COX4I1: variants seen among roughly 807,000 people sequenced by gnomAD.
COX4I1 encodes cytochrome c oxidase subunit 4I1.
COX4I1 carries 18 observed loss-of-function variants against 21.7 expected under a neutral mutation model. The ratio of observed to expected loss-of-function variants is 0.83; its 90% CI spans 0.57 to 1.23. The LOEUF is 1.23. Ranked by LOEUF, COX4I1 falls within the 50% of genes most tolerant of loss-of-function variation. COX4I1 has a pLI of 0.00. For synonymous variants in COX4I1, 100 were observed against 81.5 expected (o/e 1.23, Z -1.23); for missense variants, 238 against 220.7 (o/e 1.08, Z -0.50).
At chr16:85,804,861 G>A (rs1168809869) in intron 2 of COX4I1, 76 bp from the exon 3 acceptor site, 26 of 1,367,996 alleles carry the variant, frequency 1.9e-5, no homozygotes, top group Non-Finnish European at 2.3e-5. Flanking sequence ...TCTGTGTTTC[G>A]GTTTTCAGAA....
At position 85,804,925 on chromosome 16, in the gene COX4I1, T is replaced by C. The variant is rs749744523; in HGVS notation, c.74-12T>C. The C allele has an allele frequency of 3.1e-6, 5 of 1,596,006 alleles. No homozygotes were observed. The African/African-American group carries it at 4.0e-5, about 13-fold the overall frequency. ...CATGGATTTTCAAAGATTTATTCAA[T>C]ATGTTTTTCAGAAAGTGTTGTGAAG... On this transcript the variant is annotated splice_polypyrimidine_tract_variant and intron_variant, in intron 2 of 4. Transcript: ENST00000253452.
intron 1 of COX4I1, among the ~76,000 whole-genome samples, chr16:85,800,089 C>G (rs966646044): frequency 1.3e-5 from 2 of 152,138 alleles, no homozygotes; most frequent in Non-Finnish European, 2.9e-5. Context: ...CGCCCTTGCT[C>G]CTTCAAAAGG....
rs1597218579 is a variant in COX4I1, at chr16:85,804,993, C to T, written c.130C>T (p.His44Tyr). 1 of 1,614,134 alleles carries T rather than the reference C, an allele frequency of 6.2e-7. No homozygotes were observed. Among genetic ancestry groups the T allele is most frequent in the Non-Finnish European group, 8.5e-7 (1 of 1,180,006 alleles). Reference protein sequence around the residue: ...SLPAYMDRRDHPLPEVAHVKH... With the variant: ...SLPAYMDRRDYPLPEVAHVKH... ...CCCAGCTTATATGGATCGGCGTGAC[C>T]ACCCCTTGCCGGAGGTGGCCCATGT... The change falls in exon 3 of 5, where the codon CAC becomes TAC. Residue 44 changes from histidine to tyrosine, a missense_variant. Physicochemically the swap from His to Tyr is moderately conservative, Grantham distance 83. Transcript: ENST00000253452.
At chr16:85,801,139 A>G in intron 1 of COX4I1, 66 bp from the exon 2 acceptor site, 1 of 1,410,532 alleles carries the variant, frequency 7.1e-7, no homozygotes, top group South Asian at 1.2e-5. Context: ...CTCTGGGGCA[A>G]AAAGAAGACT....
intron 2 of COX4I1, among the ~76,000 whole-genome samples, chr16:85,802,024 T>G (rs1258165903): frequency 6.6e-6 from 1 of 151,956 alleles, no homozygotes; most frequent in Non-Finnish European, 1.5e-5. Context: ...CTCTCCAGGG[T>G]CTTTTCATTG....
At position 85,807,060 on chromosome 16, in the gene COX4I1, T is replaced by G. The variant is rs1442992707; in HGVS notation, c.*186T>G. The G allele has an allele frequency of 1.6e-6, 1 of 641,856 alleles. No homozygotes were observed. The highest frequency in any genetic ancestry group is 1.8e-5 in the African/African-American group (1 of 54,470). The allele number at this position is 641,856 out of a possible 1,614,324, so 39.8% of individuals were successfully genotyped here. On this transcript the variant is annotated 3_prime_UTR_variant, in exon 5 of 5. Transcript: ENST00000253452. ...ATGAAAGCTAATTAAAACAATAGGT[T>G]TCTCCCAAGGGTCTGGAGTAAATAT...
chr16:85,802,621 G>A (rs1331247891), intron 2 of COX4I1, among the ~76,000 whole-genome samples: 2 of 152,250 alleles, frequency 1.3e-5, no homozygotes, highest in Non-Finnish European at 2.9e-5. Context: ...TTTGTGTGGT[G>A]ATGCACCTGA....
rs983251508 is a variant in COX4I1 at position 85,806,966 on chromosome 16, T to C, written c.*92T>C. 7.3e-7 allele frequency: 1 copy of C among 1,365,324 alleles called. No individual in the cohort carries two copies. The highest frequency in any genetic ancestry group is 1.0e-6 in the Non-Finnish European group (1 of 991,140). The allele number at this position is 1,365,324 out of a possible 1,614,324, so 84.6% of individuals were successfully genotyped here. A position where few individuals can be genotyped will look rare whatever the true frequency, so the allele number is the denominator to read the frequency against. On this transcript the variant is annotated 3_prime_UTR_variant, in exon 5 of 5. Transcript: ENST00000253452. ...ACTGGAAACCTGTTATGCCAAACAGTTGTACCACTGCTAATAAATGACCAG... is the reference window on the plus strand; with the variant it reads ...ACTGGAAACCTGTTATGCCAAACAGCTGTACCACTGCTAATAAATGACCAG...
chr16:85,806,558 T>G, intron 4 of COX4I1, 180 bp from the exon 5 acceptor site: 1 of 869,810 alleles, frequency 1.1e-6, no homozygotes. Context: ...AACAAAGGGC[T>G]AATTTTAAAA....
intron 2 of COX4I1, 25 bp from the exon 3 acceptor site, chr16:85,804,912 A>G (rs777378862): frequency 1.3e-6 from 2 of 1,583,650 alleles, no homozygotes; most frequent in Non-Finnish European, 1.7e-6. Flanking sequence ...TGGATTTTCA[A>G]AGATTTATTC....
intron 2 of COX4I1, among the ~76,000 whole-genome samples, chr16:85,801,479 GT>G (rs1380782778): frequency 1.3e-5 from 2 of 152,028 alleles, no homozygotes; most frequent in Non-Finnish European, 2.9e-5. Flanking sequence ...TGGATCTTTG[GT>G]TATACTGATA....
intron 2 of COX4I1, among the ~76,000 whole-genome samples, chr16:85,802,514 C>T (rs910174684): frequency 2.0e-5 from 3 of 150,292 alleles, no homozygotes; most frequent in Non-Finnish European, 4.4e-5. Context: ...TTATAACTTA[C>T]GTAAGTCATA....
intron 2 of COX4I1, chr16:85,804,252 C>T (rs1597217650): frequency 1.3e-5 from 2 of 152,240 alleles, no homozygotes; most frequent in Non-Finnish European, 2.9e-5. Flanking sequence ...TTTTGTTCTT[C>T]CTCATTAGTT....
In COX4I1 at chr16:85,805,806, C is replaced by T. The variant is rs764779280; in HGVS notation, c.315C>T (p.Gly105=). 39 of 1,614,088 alleles carry T rather than the reference C, an allele frequency of 2.4e-5. No individual in the cohort carries two copies. The highest frequency in any genetic ancestry group is 3.1e-5 in the Non-Finnish European group (36 of 1,180,036). ...CGAACGAGTGGAAGACGGTTGTGGG[C>T]GGTGCCATGTTCTTCATCGGTTTCA... is the stretch of plus-strand genomic sequence containing the variant. ...RGSNEWKTVV[G]GAMFFIGFTA... The change falls in exon 4 of 5, where the codon GGC becomes GGT. Residue 105 remains glycine, a synonymous_variant. Coordinates refer to ENST00000253452, the MANE Select transcript of COX4I1 (RefSeq NM_001861.6).
At position 85,805,419 on chromosome 16, in the gene COX4I1, G is replaced by T. The variant is rs1010852260; in HGVS notation, c.242-314G>T. 3 of 525,912 alleles carry T rather than the reference G, an allele frequency of 5.7e-6. No homozygotes were observed. In the South Asian group the frequency reaches 8.3e-5, roughly 14 times the overall value. 32.6% of individuals were successfully genotyped at this position (525,912 alleles called of 1,614,324 possible). A position where few individuals can be genotyped will look rare whatever the true frequency, so the allele number is the denominator to read the frequency against. ...AACTCAGCAAAATGCATAGTGTTTG[G>T]TATGAAAGGGGCAGAAAAATAACAA... is the stretch of plus-strand genomic sequence containing the variant. On this transcript the variant is annotated intron_variant, in intron 3 of 4. Coordinates refer to ENST00000253452, the MANE Select transcript of COX4I1 (RefSeq NM_001861.6).
At chr16:85,804,735 GTTT>G in intron 2 of COX4I1, 199 bp from the exon 3 acceptor site, 1 of 500,572 alleles carries the variant, frequency 2.0e-6, no homozygotes, top group Non-Finnish European at 3.5e-6. Flanking sequence ...CCCCTGGTGG[GTTT>G]TTGTTGGCTG....
chr16:85,801,231 T>C lies in COX4I1; in HGVS notation c.26T>C (p.Leu9Pro), dbSNP rs1343890788. ...ATGTTGGCTACCAGGGTATTTAGCC[T>C]AGTTGGCAAGCGAGCAATTTCCACC... The part of the protein sequence containing the change: MLATRVFS[L>P]VGKRAISTSV... Residue 9 changes from leucine to proline, a missense_variant, in exon 2 of 5, where the codon CTA (leucine) becomes CCA (proline). Transcript: ENST00000253452. 1.2e-6 allele frequency: 2 copies of C among 1,610,196 alleles called. No individual in the cohort carries two copies. Among genetic ancestry groups the C allele is most frequent in the African/African-American group, 2.7e-5 (2 of 74,916 alleles).
chr16:85,806,630 C>T, intron 4 of COX4I1, 108 bp from the exon 5 acceptor site: 1 of 1,569,720 alleles, frequency 6.4e-7, no homozygotes, highest in Non-Finnish European at 8.7e-7. Context: ...GCAGGTGGCT[C>T]TGCTGACCTG....
At chr16:85,801,039 C>A in intron 1 of COX4I1, 166 bp from the exon 2 acceptor site, 1 of 543,688 alleles carries the variant, frequency 1.8e-6, no homozygotes, top group Non-Finnish European at 3.4e-6. Context: ...TAAGAAAAAC[C>A]TCATCCTAGG....
Sources: gnomAD v4.1 joint callset for allele counts (sites outside exome capture counted in the v4.1 genomes callset) on GRCh38, gnomAD v4.1.1 for gene constraint, MANE v1.5 for transcripts, NCBI Gene and HGNC (gene_info 2026-07-23, HGNC 2026-07-21) for gene names.